The following MEIS1 variants were observed in gnomAD, a reference collection of about 807,000 sequenced individuals.
MEIS1 encodes the protein homeobox protein Meis1.
A neutral mutation model predicts 50.8 loss-of-function variants in MEIS1; 5 were observed. The observed-to-expected ratio is 0.10, with a 90% CI of 0.05 to 0.21. MEIS1 has a LOEUF of 0.21. Ranked by LOEUF, MEIS1 falls within the 10% of genes least tolerant of loss-of-function variation. The pLI is 1.00. For synonymous variants in MEIS1, 176 were observed against 179.3 expected (o/e 0.98, Z 0.15); for missense variants, 318 against 517.3 (o/e 0.61, Z 3.74).
intron 7 of MEIS1, among the ~76,000 whole-genome samples, chr2:66,475,303 A>G (rs1412203379): frequency 4.1e-5 from 6 of 146,820 alleles, no homozygotes; most frequent in Non-Finnish European, 7.5e-5. Context: ...ATAAATTTAT[A>G]TATTTATTTA....
intron 7 of MEIS1, among the ~76,000 whole-genome samples, chr2:66,499,771 G>A (rs556778427): frequency 1.2e-4 from 18 of 151,284 alleles, no homozygotes; most frequent in South Asian, 4.2e-4. Context: ...GATGTGGTCC[G>A]GATGAACAGA....
chr2:66,548,337 G>A (rs1157938858), intron 9 of MEIS1, among the ~76,000 whole-genome samples: 2 of 151,898 alleles, frequency 1.3e-5, no homozygotes, highest in African/African-American at 2.4e-5. Context: ...CAGGGTAATC[G>A]ATAGAGTAGT....
intron 9 of MEIS1, among the ~76,000 whole-genome samples, chr2:66,551,626 T>A (rs1373725918): frequency 2.6e-5 from 4 of 152,018 alleles, no homozygotes; most frequent in Admixed American, 2.6e-4. Context: ...AAAATATTTT[T>A]AAATAAATTA....
intron 8 of MEIS1, among the ~76,000 whole-genome samples, chr2:66,522,027 T>A (rs1335553152): frequency 6.6e-6 from 1 of 152,246 alleles, no homozygotes; most frequent in East Asian, 1.9e-4. Flanking sequence ...TGGGCATTTA[T>A]CTTTGTGTGT....
intron 3 of MEIS1, 96 bp downstream of exon 3, chr2:66,440,080 C>CACACACAG (rs1389608452): frequency 1.1e-5 from 12 of 1,102,590 alleles, no homozygotes; most frequent in Middle Eastern, 6.0e-4. Flanking sequence ...CACACACACA[C>CACACACAG]ACACACACAC....
At chr2:66,543,079 A>G (rs1161939894) in intron 8 of MEIS1, among the ~76,000 whole-genome samples, 1 of 152,208 alleles carries the variant, frequency 6.6e-6, no homozygotes, top group Non-Finnish European at 1.5e-5. Flanking sequence ...GTCTCAAGAA[A>G]TAACACTGGT....
Position 66,571,336 on chromosome 2 carries a change from C to A in MEIS1, c.*128C>A, listed in dbSNP as rs531315301. ...CCAAGTTATACCCAACCCCAGATGC[C>A]CCCCCATCCTGCTCAGCTGCGTCAT... On this transcript the variant is annotated 3_prime_UTR_variant, in exon 13 of 13. Transcript: ENST00000272369. 12 of 1,598,856 alleles carry A rather than the reference C, an allele frequency of 7.5e-6. No homozygotes were observed. The East Asian group carries it at 1.6e-4, about 21-fold the overall frequency.
chr2:66,489,543 C>T (rs1460410315), intron 7 of MEIS1, among the ~76,000 whole-genome samples: 3 of 152,152 alleles, frequency 2.0e-5, no homozygotes, highest in Admixed American at 6.5e-5. Context: ...ATATTGGAAG[C>T]TCTCAGGATG....
At chr2:66,517,506 C>T (rs1673999323) in intron 8 of MEIS1, among the ~76,000 whole-genome samples, 1 of 152,048 alleles carries the variant, frequency 6.6e-6, no homozygotes, top group South Asian at 2.1e-4. Flanking sequence ...TTACTTTTTC[C>T]CTTACATGTA....
chr2:66,471,430 C>T (rs987775752), intron 7 of MEIS1, among the ~76,000 whole-genome samples: 5 of 152,194 alleles, frequency 3.3e-5, no homozygotes, highest in African/African-American at 1.2e-4. Context: ...TGTCTACTGG[C>T]CACTGTTACC....
intron 3 of MEIS1, 149 bp downstream of exon 3, chr2:66,440,133 G>A (rs915076393): frequency 5.0e-6 from 4 of 794,960 alleles, no homozygotes; most frequent in Admixed American, 5.9e-5. Flanking sequence ...TCGGCCTTAA[G>A]CCATGCATGT....
chr2:66,541,645 C>T (rs1215149809), intron 8 of MEIS1, among the ~76,000 whole-genome samples: 1 of 152,158 alleles, frequency 6.6e-6, no homozygotes, highest in African/African-American at 2.4e-5. Flanking sequence ...CCCATTTAGT[C>T]TGAGCAACTA....
chr2:66,548,628 A>C (rs111627935), intron 9 of MEIS1, among the ~76,000 whole-genome samples: 11 of 152,342 alleles, frequency 7.2e-5, no homozygotes, highest in African/African-American at 2.4e-4. Flanking sequence ...AGTACCAGCC[A>C]ACAATATTCT....
chr2:66,533,710 C>T (rs1046845321), intron 8 of MEIS1, among the ~76,000 whole-genome samples: 1 of 152,022 alleles, frequency 6.6e-6, no homozygotes, highest in Admixed American at 6.5e-5. Context: ...ATAAATTGTG[C>T]AGGGCTTCTT....
chr2:66,475,373 T>G (rs1008129541), intron 7 of MEIS1, among the ~76,000 whole-genome samples: 8 of 148,558 alleles, frequency 5.4e-5, no homozygotes, highest in African/African-American at 2.0e-4. Flanking sequence ...AATATGTATA[T>G]ATATTCTCCC....
At chr2:66,473,039 T>C (rs980873588) in intron 7 of MEIS1, among the ~76,000 whole-genome samples, 1 of 152,156 alleles carries the variant, frequency 6.6e-6, no homozygotes, top group African/African-American at 2.4e-5. Flanking sequence ...CAGTGAATTG[T>C]ATTAAAATTC....
At chr2:66,442,746 T>C (rs1672026540) in intron 5 of MEIS1, 156 bp from the exon 6 acceptor site, 1 of 639,492 alleles carries the variant, frequency 1.6e-6, no homozygotes, top group Non-Finnish European at 2.6e-6. Context: ...AAGTTATTCC[T>C]AATTCTGGAT....
chr2:66,567,185 C>T (rs1280101270), intron 9 of MEIS1, among the ~76,000 whole-genome samples: 1 of 152,054 alleles, frequency 6.6e-6, no homozygotes, highest in Non-Finnish European at 1.5e-5. Context: ...CTAATTCCCC[C>T]ATGAAAAGAT....
chr2:66,549,278 A>G (rs1319754078), intron 9 of MEIS1, among the ~76,000 whole-genome samples: 3 of 152,120 alleles, frequency 2.0e-5, no homozygotes, highest in South Asian at 4.2e-4. Flanking sequence ...AGGGTTATCA[A>G]TTTCTATGAC....
Sources: allele counts gnomAD v4.1 joint callset (sites outside exome capture counted in the v4.1 genomes callset), GRCh38; gene constraint gnomAD v4.1.1; transcripts MANE v1.5; gene names NCBI Gene and HGNC (gene_info 2026-07-23, HGNC 2026-07-21).